CCDC171: variants seen among roughly 807,000 people sequenced by gnomAD.
CCDC171 encodes coiled-coil domain-containing protein 171.
A neutral mutation model predicts 168.2 loss-of-function variants in CCDC171; 177 were observed. That is an observed-to-expected ratio of 1.05 (90% CI 0.93 to 1.19). The LOEUF (loss-of-function observed/expected upper bound fraction) is 1.19, where lower values mean the gene tolerates loss of function less well. Ranked by LOEUF, CCDC171 falls within the 50% of genes most tolerant of loss-of-function variation. The pLI is 0.00. For synonymous variants in CCDC171, 687 were observed against 540.8 expected, an observed-to-expected ratio of 1.27 and a Z score of -3.75; for missense variants, 1,991 against 1,539.0, an observed-to-expected ratio of 1.29 and a Z score of -4.91.
chr9:15,951,070 C>G (rs1829098639), intron 25 of CCDC171, among the ~76,000 whole-genome samples: 1 of 147,422 alleles, frequency 6.8e-6, no homozygotes, highest in Admixed American at 6.9e-5. Context: ...ACAAGAAGAG[C>G]TAGGTATCCT....
intron 3 of CCDC171, among the ~76,000 whole-genome samples, chr9:15,993,204 G>T (rs1433591712): frequency 1.3e-5 from 2 of 151,636 alleles, no homozygotes; most frequent in Non-Finnish European, 2.9e-5. Context: ...ATACTACATG[G>T]CTACAGTAAG....
chr9:15,671,876 G>A (rs2049140474), intron 9 of CCDC171, among the ~76,000 whole-genome samples: 1 of 152,166 alleles, frequency 6.6e-6, no homozygotes, highest in Non-Finnish European at 1.5e-5. Context: ...CCAGTAATGG[G>A]ATCGCTGCGT....
chr9:15,964,028 A>G (rs1830580175), intron 25 of CCDC171, among the ~76,000 whole-genome samples: 1 of 152,188 alleles, frequency 6.6e-6, no homozygotes. Context: ...ACTAGCTGGA[A>G]CTTGAGCAGC....
chr9:15,931,456 C>CTTTTTTTTTTT (rs57124025), intron 25 of CCDC171, among the ~76,000 whole-genome samples: 95 of 44,974 alleles, frequency 2.1e-3, no homozygotes, highest in Non-Finnish European at 2.5e-3. Context: ...TTCTTTCTTT[C>CTTTTTTTTTTT]TTTTTTTTTT....
In CCDC171 at chr9:15,710,352, G is replaced by T. The variant is rs573261882; in HGVS notation, c.1319-11417G>T. Among the ~76,000 whole-genome samples, 200 of 151,812 alleles carry T rather than the reference G, an allele frequency of 1.3e-3. 1 individual carries two copies. Among genetic ancestry groups the T allele is most frequent in the African/African-American group, 4.7e-3 (195 of 41,380 alleles). On this transcript the variant is annotated intron_variant, in intron 11 of 25. Transcript: ENST00000380701. The stretch of plus-strand genomic sequence containing the variant: ...AGATGGAGTCTCACTCTGTCACCCA[G>T]GCTGGAGTGGCGCCATCTCAGCTCA...
intron 18 of CCDC171, among the ~76,000 whole-genome samples, chr9:15,752,218 C>T (rs571520003): frequency 1.3e-4 from 20 of 152,278 alleles, no homozygotes; most frequent in South Asian, 4.1e-4. Flanking sequence ...CATCGCACAC[C>T]AGTTAGAATG....
At chr9:15,904,546 C>T (rs1464871923) in intron 24 of CCDC171, among the ~76,000 whole-genome samples, 5 of 151,926 alleles carry the variant, frequency 3.3e-5, no homozygotes, top group Admixed American at 6.6e-5. Flanking sequence ...AAGGGACAAC[C>T]AGTACCAGCC....
intron 21 of CCDC171, among the ~76,000 whole-genome samples, chr9:15,804,466 T>A (rs1016402590): frequency 2.6e-5 from 4 of 151,560 alleles, no homozygotes; most frequent in Admixed American, 2.0e-4. Flanking sequence ...GAAGGCCTTT[T>A]TTTTTTGCAT....
chr9:15,578,351 C>T (rs1587098150), intron 3 of CCDC171, among the ~76,000 whole-genome samples: 1 of 150,532 alleles, frequency 6.6e-6, no homozygotes, highest in African/African-American at 2.4e-5. Context: ...CCTTCCATCT[C>T]AGCCTCCTGA....
intron 24 of CCDC171, among the ~76,000 whole-genome samples, chr9:15,913,013 T>C (rs1399668640): frequency 1.3e-5 from 2 of 152,176 alleles, no homozygotes; most frequent in Non-Finnish European, 2.9e-5. Flanking sequence ...TTTTGTTGTG[T>C]CTCTGCCAGG....
Position 16,012,260 on chromosome 9 carries a change from G to C in CCDC171, n.369-8329G>C, listed in dbSNP as rs541703963. Among the ~76,000 whole-genome samples the C allele has an allele frequency of 9.2e-5, 14 of 152,198 alleles. No homozygotes were observed. In the East Asian group the frequency reaches 2.1e-3, roughly 23 times the overall value. On this transcript the variant is annotated intron_variant and non_coding_transcript_variant, in intron 3 of 9. Transcript: ENST00000486641. ...AATGTGGCCTGTCTTTTTTTGCTCT[G>C]GAAGATATTAGGATCTCCTTATTCT...
At chr9:15,878,889 C>G (rs1818223333) in intron 24 of CCDC171, among the ~76,000 whole-genome samples, 4 of 152,126 alleles carry the variant, frequency 2.6e-5, no homozygotes, top group Admixed American at 2.6e-4. Flanking sequence ...GAAAACCAAA[C>G]ACCACATGTT....
At chr9:15,783,446 G>A (rs182437497) in intron 20 of CCDC171, among the ~76,000 whole-genome samples, 4 of 152,150 alleles carry the variant, frequency 2.6e-5, no homozygotes, top group Admixed American at 6.5e-5. Context: ...TATTTGTGGC[G>A]AATGATATTA....
chr9:15,585,027 A>T (rs368718782), intron 4 of CCDC171, among the ~76,000 whole-genome samples: 117 of 152,368 alleles, frequency 7.7e-4, no homozygotes, highest in African/African-American at 2.6e-3. Flanking sequence ...GGAAATGCAA[A>T]TGAAAACCAT....
chr9:15,979,668 T>G (rs1418628927), intron 3 of CCDC171, among the ~76,000 whole-genome samples: 9 of 151,906 alleles, frequency 5.9e-5, no homozygotes, highest in Non-Finnish European at 1.2e-4. Flanking sequence ...TATGTAATCT[T>G]TTTTTTTCAT....
At chr9:15,938,802 G>C (rs1827385760) in intron 25 of CCDC171, among the ~76,000 whole-genome samples, 1 of 151,664 alleles carries the variant, frequency 6.6e-6, no homozygotes, top group Non-Finnish European at 1.5e-5. Flanking sequence ...GAATGTAAGG[G>C]GCCAGCTAAG....
At chr9:15,900,454 C>G (rs185175208) in intron 24 of CCDC171, among the ~76,000 whole-genome samples, 3 of 152,278 alleles carry the variant, frequency 2.0e-5, no homozygotes, top group Admixed American at 2.0e-4. Flanking sequence ...CAAGAGGACT[C>G]TGCTTCTCAG....
chr9:15,715,482 G>A (rs987242835), intron 11 of CCDC171, among the ~76,000 whole-genome samples: 1 of 152,132 alleles, frequency 6.6e-6, no homozygotes, highest in Admixed American at 6.5e-5. Context: ...TATATTAAAT[G>A]TTTGGATTTT....
At chr9:16,059,195 T>G (rs1290305487) in intron 1 of CCDC171, among the ~76,000 whole-genome samples, 1 of 152,206 alleles carries the variant, frequency 6.6e-6, no homozygotes, top group African/African-American at 2.4e-5. Flanking sequence ...CACGTTATTG[T>G]TTCCAAAGCA....
Sources: allele counts gnomAD v4.1 joint callset (sites outside exome capture counted in the v4.1 genomes callset), GRCh38; gene constraint gnomAD v4.1.1; transcripts MANE v1.5; gene names NCBI Gene and HGNC (gene_info 2026-07-23, HGNC 2026-07-21).